Variants in POLR2H observed in about 807,000 individuals in gnomAD.
POLR2H encodes DNA-directed RNA polymerases I, II, and III subunit RPABC3.
In POLR2H, 3 loss-of-function variants were observed where a neutral mutation model predicts 18.1. The ratio of observed to expected loss-of-function variants is 0.17; its 90% CI spans 0.08 to 0.43. The LOEUF (loss-of-function observed/expected upper bound fraction) is 0.43. Among genes scored for constraint, POLR2H ranks in the 20% least tolerant of loss-of-function variants. POLR2H has a pLI of 0.99. For synonymous variants in POLR2H, 76 were observed against 69.0 expected (o/e 1.10, Z -0.50); for missense variants, 103 against 184.6 (o/e 0.56, Z 2.56).
rs1054108126 is a variant in POLR2H, at chr3:184,366,705, A to G, written c.252-12A>G. On this transcript the variant is annotated splice_polypyrimidine_tract_variant and intron_variant, in intron 4 of 5. Transcript: ENST00000456318. ...TACTGTTAAGAATAACTTTGCTGCT[A>G]TTGCTCCATAGGGCTGACCAGTTTG... 8.0e-6 allele frequency: 12 copies of G among 1,503,306 alleles called. No homozygotes were observed. Among genetic ancestry groups the G allele is most frequent in the Non-Finnish European group, 1.0e-5 (11 of 1,079,168 alleles). The allele number at this position is 1,503,306 out of a possible 1,614,324, so 93.1% of individuals were successfully genotyped here. A position where few individuals can be genotyped will look rare whatever the true frequency, so the allele number is the denominator to read the frequency against.
At position 184,363,278 on chromosome 3, in the gene POLR2H, C is replaced by T; in HGVS notation, c.-215C>T. ...AATGCCGAAGCCTCTCGGAAGCAAT[C>T]TTTCGGGACGGAAGTTAAGTAGCCC... On this transcript the variant is annotated 5_prime_UTR_variant, in exon 2 of 6. Transcript: ENST00000456318. 5.0e-6 allele frequency: 3 copies of T among 603,696 alleles called. No homozygotes were observed. The highest frequency in any genetic ancestry group is 3.0e-6 in the Non-Finnish European group (1 of 334,394). 37.4% of individuals were successfully genotyped at this position (603,696 alleles called of 1,614,324 possible). A position where few individuals can be genotyped will look rare whatever the true frequency, so the allele number is the denominator to read the frequency against.
chr3:184,365,294 G>A (rs1473086884), intron 4 of POLR2H, 68 bp downstream of exon 4: 1 of 942,776 alleles, frequency 1.1e-6, no homozygotes, highest in African/African-American at 1.6e-5. Context: ...GATATAGAAA[G>A]ACTCTTCTAA....
intron 3 of POLR2H, 36 bp from the exon 4 acceptor site, chr3:184,365,097 C>G (rs775406530): frequency 2.5e-6 from 4 of 1,579,572 alleles, no homozygotes; most frequent in Middle Eastern, 3.3e-4. Flanking sequence ...GCTGCTTCTG[C>G]TATTCTTTAC....
Position 184,363,300 on chromosome 3 carries a change from G to T in POLR2H, c.-193G>T, listed in dbSNP as rs1400396190. 6.3e-6 allele frequency: 4 copies of T among 630,382 alleles called. No individual in the cohort carries two copies. The highest frequency in any genetic ancestry group is 5.4e-5 in the African/African-American group (3 of 55,236). 39.0% of individuals were successfully genotyped at this position (630,382 alleles called of 1,614,324 possible). A position where few individuals can be genotyped will look rare whatever the true frequency, so the allele number is the denominator to read the frequency against. On this transcript the variant is annotated 5_prime_UTR_variant, in exon 2 of 6. It removes the in-frame stop codon of an upstream open reading frame in the 5' UTR. Coordinates refer to ENST00000456318, the MANE Select transcript of POLR2H (RefSeq NM_006232.5). Reference sequence around the variant, plus strand: ...AATCTTTCGGGACGGAAGTTAAGTAGCCCCGAGCGGGAGGCTGTGGCGGAA... The same window carrying T: ...AATCTTTCGGGACGGAAGTTAAGTATCCCCGAGCGGGAGGCTGTGGCGGAA...
chr3:184,368,038 C>G, intron 5 of POLR2H, 139 bp from the exon 6 acceptor site: 1 of 1,081,214 alleles, frequency 9.2e-7, no homozygotes, highest in Non-Finnish European at 1.3e-6. Context: ...CTTGCACATA[C>G]CTGTGCATTG....
chr3:184,367,726 G>A (rs1347785522), intron 5 of POLR2H, among the ~76,000 whole-genome samples: 1 of 151,922 alleles, frequency 6.6e-6, no homozygotes, highest in African/African-American at 2.4e-5. Flanking sequence ...TCCTGACCTC[G>A]TGATCCGCCC....
At position 184,366,728 on chromosome 3, in the gene POLR2H, T is replaced by C. The variant is rs775706508; in HGVS notation, c.263T>C (p.Phe88Ser). Residue 88 changes from phenylalanine to serine, a missense_variant, in exon 5 of 6, where the codon TTT becomes TCT. Coordinates refer to ENST00000456318, the MANE Select transcript of POLR2H (RefSeq NM_006232.5). The stretch of plus-strand genomic sequence containing the variant: ...CTATTGCTCCATAGGGCTGACCAGT[T>C]TGAGTATGTAATGTATGGAAAAGTG... ...TDDRPSRADQ[F>S]EYVMYGKVYR... 2.5e-6 allele frequency: 4 copies of C among 1,593,994 alleles called. No individual in the cohort carries two copies. The African/African-American group carries it at 5.4e-5, about 21-fold the overall frequency.
chr3:184,368,014 A>T, intron 5 of POLR2H, 163 bp from the exon 6 acceptor site: 1 of 993,386 alleles, frequency 1.0e-6, no homozygotes, highest in East Asian at 2.8e-5. Flanking sequence ...TCTTAGGCTG[A>T]GATGGAACAG....
intron 2 of POLR2H, 107 bp from the exon 3 acceptor site, chr3:184,364,859 C>T: frequency 1.3e-6 from 1 of 741,698 alleles, no homozygotes; most frequent in Non-Finnish European, 2.4e-6. Flanking sequence ...AGATGAGAGA[C>T]CACTGGATGT....
chr3:184,362,722 G>A lies in POLR2H; in HGVS notation c.-620-151G>A, dbSNP rs1577338151. 6.5e-6 allele frequency: 1 copy of A among 153,052 alleles called. No homozygotes were observed. Among genetic ancestry groups the A allele is most frequent in the South Asian group, 2.0e-4 (1 of 4,914 alleles). 9.5% of individuals were successfully genotyped at this position (153,052 alleles called of 1,614,324 possible). ...GGGGAACGCGCAGCACTAAGCTGGA[G>A]GGGTAATGCCCGGGGGAGGGGGGTG... On this transcript the variant is annotated intron_variant, in intron 1 of 5. Transcript: ENST00000456318. This position sits in a 1 kb window ranked among gnomAD's most constrained non-coding sequence, Gnocchi z 5.9.
In POLR2H at chr3:184,368,413, C is replaced by T. The variant is rs553902756; in HGVS notation, c.*119C>T. On this transcript the variant is annotated 3_prime_UTR_variant, in exon 6 of 6. Coordinates refer to ENST00000456318, the MANE Select transcript of POLR2H (RefSeq NM_006232.5). ...AGGGCTGGCTCACTGTCCACCGTGG[C>T]GGCATCTTTAACTGGCCTCCACTCA... 135 of 783,820 alleles carry T rather than the reference C, an allele frequency of 1.7e-4. 1 individual carries two copies. Among genetic ancestry groups the T allele is most frequent in the South Asian group, 1.1e-3 (51 of 44,790 alleles). The allele number at this position is 783,820 out of a possible 1,614,324, so 48.6% of individuals were successfully genotyped here. A position where few individuals can be genotyped will look rare whatever the true frequency, so the allele number is the denominator to read the frequency against.
chr3:184,368,094 T>C (rs777578932), intron 5 of POLR2H, 83 bp from the exon 6 acceptor site: 23 of 1,608,874 alleles, frequency 1.4e-5, no homozygotes, highest in South Asian at 4.4e-5. Context: ...AGTAGGAAGA[T>C]GCCTCTTCTC....
At chr3:184,365,458 C>A in intron 4 of POLR2H, 1 of 532,088 alleles carries the variant, frequency 1.9e-6, no homozygotes, top group Non-Finnish European at 3.3e-6. Context: ...TCCAGGAGTT[C>A]AAGACCAGCC....
At chr3:184,366,591 G>T (rs1340452349) in intron 4 of POLR2H, 126 bp from the exon 5 acceptor site, 6 of 583,704 alleles carry the variant, frequency 1.0e-5, no homozygotes, top group Non-Finnish European at 1.9e-5. Flanking sequence ...GCCCGCCTTG[G>T]CCTCCCAAAG....
In POLR2H at chr3:184,363,373, C is replaced by T; in HGVS notation, c.-120C>T. On this transcript the variant is annotated 5_prime_UTR_variant, in exon 2 of 6. Coordinates refer to ENST00000456318, the MANE Select transcript of POLR2H (RefSeq NM_006232.5). ...GTGCGCATGCGCCACTCTCGTCTGGCCGCCGCGCTTTCAGGAGGTGCTTTT... is the reference window on the plus strand; with the variant it reads ...GTGCGCATGCGCCACTCTCGTCTGGTCGCCGCGCTTTCAGGAGGTGCTTTT... 1.2e-6 allele frequency: 1 copy of T among 817,994 alleles called. No homozygotes were observed. 50.7% of individuals were successfully genotyped at this position (817,994 alleles called of 1,614,324 possible). A position where few individuals can be genotyped will look rare whatever the true frequency, so the allele number is the denominator to read the frequency against.
rs1395591062 is a variant in POLR2H, at chr3:184,365,067, A to G, written c.157+18A>G. 2 of 1,576,882 alleles carry G rather than the reference A, an allele frequency of 1.3e-6. No homozygotes were observed. Among genetic ancestry groups the G allele is most frequent in the Admixed American group, 3.3e-5 (2 of 59,964 alleles). ...AGACTTGGGTAAGTATTGAATACAGACAATAATAAGAGACTTTTTGCTGCT... is the reference window on the plus strand; with the variant it reads ...AGACTTGGGTAAGTATTGAATACAGGCAATAATAAGAGACTTTTTGCTGCT... On this transcript the variant is annotated intron_variant, in intron 3 of 5. Coordinates refer to ENST00000456318, the MANE Select transcript of POLR2H (RefSeq NM_006232.5).
In POLR2H at chr3:184,368,348, C is replaced by T. The variant is rs755062122; in HGVS notation, c.*54C>T. 6.2e-6 allele frequency: 9 copies of T among 1,447,150 alleles called. No individual in the cohort carries two copies. The highest frequency in any genetic ancestry group is 8.4e-6 in the Non-Finnish European group (9 of 1,069,986). The allele number at this position is 1,447,150 out of a possible 1,614,324, so 89.6% of individuals were successfully genotyped here. A position where few individuals can be genotyped will look rare whatever the true frequency, so the allele number is the denominator to read the frequency against. Reference sequence around the variant, plus strand: ...AGTCACTCAGGTCATGGGCATTGTTCAAGCCTGAGTGGCAGCCGCTCTTGC... The same window carrying T: ...AGTCACTCAGGTCATGGGCATTGTTTAAGCCTGAGTGGCAGCCGCTCTTGC... On this transcript the variant is annotated 3_prime_UTR_variant, in exon 6 of 6. Coordinates refer to ENST00000456318, the MANE Select transcript of POLR2H (RefSeq NM_006232.5).
chr3:184,367,218 T>C (rs772579065), intron 5 of POLR2H, among the ~76,000 whole-genome samples: 10 of 152,092 alleles, frequency 6.6e-5, no homozygotes, highest in Non-Finnish European at 8.8e-5. Context: ...CCTGTCCAGC[T>C]ATTTTTTCTT....
rs1374200143 is a variant in POLR2H at position 184,365,219 on chromosome 3, C to T, written c.244C>T (p.Pro82Ser). The T allele has an allele frequency of 4.4e-6, 7 of 1,594,582 alleles. No homozygotes were observed. Among genetic ancestry groups the T allele is most frequent in the Middle Eastern group, 1.7e-4 (1 of 6,032 alleles). ...TGAATACAACCCCACTGATGATAGG[C>T]CTTCCAGGTGAGGGAGTGGAGAAGG... is the stretch of plus-strand genomic sequence containing the variant. Reference protein sequence around the residue: ...DGEYNPTDDRPSRADQFEYVM... With the variant: ...DGEYNPTDDRSSRADQFEYVM... Residue 82 changes from proline to serine, a missense_variant, in exon 4 of 6, where the codon CCT becomes TCT. Pro to Ser is a moderately conservative substitution (Grantham distance 74). Coordinates refer to ENST00000456318, the MANE Select transcript of POLR2H (RefSeq NM_006232.5).
Sources: allele counts gnomAD v4.1 joint callset (sites outside exome capture counted in the v4.1 genomes callset), GRCh38; gene constraint gnomAD v4.1.1; non-coding constraint Gnocchi (gnomAD v3.1); transcripts MANE v1.5; gene names NCBI Gene and HGNC (gene_info 2026-07-23, HGNC 2026-07-21).